Variants in RHOH observed in about 807,000 individuals in gnomAD.
RHOH encodes the protein ras homolog family member H, also known as rho-related GTP-binding protein RhoH.
A neutral mutation model predicts 13.8 loss-of-function variants in RHOH; 6 were observed. That is an observed-to-expected ratio of 0.44 (90% confidence interval 0.24 to 0.86). RHOH has a LOEUF of 0.86. Among genes scored for constraint, RHOH ranks in the 40% least tolerant of loss-of-function variants. RHOH has a pLI of 0.24. For synonymous variants in RHOH, 117 were observed against 103.0 expected, an observed-to-expected ratio of 1.14 and a Z score of -0.82; for missense variants, 147 against 244.5, an observed-to-expected ratio of 0.60 and a Z score of 2.66.
chr4:40,238,787 G>A (rs1728907848), intron 1 of RHOH, among the ~76,000 whole-genome samples: 1 of 152,174 alleles, frequency 6.6e-6, no homozygotes, highest in East Asian at 1.9e-4. Context: ...CGTACGAAGA[G>A]ACATACTTGG....
intron 1 of RHOH, among the ~76,000 whole-genome samples, chr4:40,208,002 A>G (rs1432547829): frequency 6.6e-6 from 1 of 151,366 alleles, no homozygotes; most frequent in African/African-American, 2.5e-5. Context: ...TAAAAAAACT[A>G]GATGGTACAA....
intron 1 of RHOH, among the ~76,000 whole-genome samples, chr4:40,222,732 T>G (rs1315847585): frequency 1.3e-5 from 2 of 152,232 alleles, no homozygotes; most frequent in African/African-American, 4.8e-5. Context: ...AAGGAGTCAT[T>G]TCAACTTTCA....
chr4:40,198,079 A>G, intron 1 of RHOH, among the ~76,000 whole-genome samples: 1 of 152,232 alleles, frequency 6.6e-6, no homozygotes, highest in Admixed American at 6.5e-5. Flanking sequence ...ATAATCTGGT[A>G]GTTGTGATAA....
At chr4:40,210,696 G>A (rs1438963864) in intron 1 of RHOH, among the ~76,000 whole-genome samples, 1 of 152,198 alleles carries the variant, frequency 6.6e-6, no homozygotes, top group Non-Finnish European at 1.5e-5. Context: ...GGTTGTGGTG[G>A]GGCGTAGATG....
At chr4:40,236,396 A>G (rs1430368733) in intron 1 of RHOH, among the ~76,000 whole-genome samples, 1 of 152,234 alleles carries the variant, frequency 6.6e-6, no homozygotes, top group Non-Finnish European at 1.5e-5. Context: ...AGTACTTGGA[A>G]GATGTTCAAT....
intron 1 of RHOH, among the ~76,000 whole-genome samples, chr4:40,229,767 T>C (rs1727685412): frequency 6.6e-6 from 1 of 151,990 alleles, no homozygotes. Context: ...CCACTCAACC[T>C]CAATAGTTCT....
At chr4:40,195,610 T>G (rs1180609218), upstream of RHOH, among the ~76,000 whole-genome samples, 1 of 152,008 alleles carries the variant, frequency 6.6e-6, no homozygotes, top group African/African-American at 2.4e-5. Flanking sequence ...ACAGGTGTGG[T>G]TGCCCAGCTA....
chr4:40,194,549 G>A (rs780369389), upstream of RHOH, among the ~76,000 whole-genome samples: 1 of 151,766 alleles, frequency 6.6e-6, no homozygotes, highest in Non-Finnish European at 1.5e-5. Flanking sequence ...GTTATTATTA[G>A]TATTATTTTA....
chr4:40,203,098 A>T (rs982054966), intron 1 of RHOH, among the ~76,000 whole-genome samples: 1 of 151,930 alleles, frequency 6.6e-6, no homozygotes, highest in Non-Finnish European at 1.5e-5. Context: ...CAGCCTCCGG[A>T]GTAGCTGGGA....
Position 40,243,950 on chromosome 4 carries a change from C to T in RHOH, c.564C>T (p.Cys188=), listed in dbSNP as rs775683838. 6.2e-7 allele frequency: 1 copy of T among 1,611,976 alleles called. No individual in the cohort carries two copies. The highest frequency in any genetic ancestry group is 1.1e-5 in the South Asian group (1 of 90,860). ...NRRRLFSINE[C]KIF ...GGAGGCTCTTCTCCATCAATGAGTGCAAGATCTTCTAAACCCCAAGAGACT... is the reference window on the plus strand; with the variant it reads ...GGAGGCTCTTCTCCATCAATGAGTGTAAGATCTTCTAAACCCCAAGAGACT... The change falls in exon 3 of 3, where the codon TGC becomes TGT. Residue 188 remains cysteine (C), a synonymous_variant. Transcript: ENST00000381799. The surrounding 1 kb of genome is among the most constrained non-coding windows in gnomAD (Gnocchi z 6.2).
intron 1 of RHOH, among the ~76,000 whole-genome samples, chr4:40,216,220 G>T (rs1725866409): frequency 6.7e-6 from 1 of 149,020 alleles, no homozygotes; most frequent in Non-Finnish European, 1.5e-5. Flanking sequence ...TGTAATCCCA[G>T]AACTTTGGGA....
intron 1 of RHOH, among the ~76,000 whole-genome samples, chr4:40,212,482 C>T (rs764606889): frequency 2.0e-5 from 3 of 152,062 alleles, no homozygotes; most frequent in Non-Finnish European, 4.4e-5. Context: ...TGGGAATGGG[C>T]GAGAGAATAG....
chr4:40,195,905 T>C (rs1328061003), upstream of RHOH, among the ~76,000 whole-genome samples: 1 of 152,232 alleles, frequency 6.6e-6, no homozygotes, highest in Non-Finnish European at 1.5e-5. Flanking sequence ...TTGATAAGAA[T>C]GCTCACCTTG....
At chr4:40,217,469 A>C (rs1726023138) in intron 1 of RHOH, among the ~76,000 whole-genome samples, 1 of 152,206 alleles carries the variant, frequency 6.6e-6, no homozygotes, top group Non-Finnish European at 1.5e-5. Flanking sequence ...CACCAGTATG[A>C]GCATTGTTAA....
intron 1 of RHOH, among the ~76,000 whole-genome samples, chr4:40,239,770 C>T (rs146558349): frequency 2.0e-5 from 3 of 151,744 alleles, no homozygotes; most frequent in African/African-American, 7.3e-5. Context: ...CCCAGCTACT[C>T]GGGAGGTTGA....
chr4:40,205,306 C>T (rs1044830212), intron 1 of RHOH, among the ~76,000 whole-genome samples: 3 of 152,186 alleles, frequency 2.0e-5, no homozygotes, highest in African/African-American at 7.2e-5. Flanking sequence ...CTGATCTGGC[C>T]AACTCTAGAG....
intron 1 of RHOH, among the ~76,000 whole-genome samples, chr4:40,211,098 T>A (rs1423284353): frequency 1.3e-5 from 2 of 152,174 alleles, no homozygotes; most frequent in African/African-American, 2.4e-5. Flanking sequence ...TTGTTGTTGG[T>A]CTTCTCTCAT....
chr4:40,240,497 C>T (rs571115611), intron 1 of RHOH, among the ~76,000 whole-genome samples: 1 of 152,220 alleles, frequency 6.6e-6, no homozygotes, highest in East Asian at 1.9e-4. Context: ...TGGCCAGTGG[C>T]TGTGTGTGGT....
chr4:40,219,557 C>A (rs1421746840), intron 1 of RHOH, among the ~76,000 whole-genome samples: 1 of 151,924 alleles, frequency 6.6e-6, no homozygotes, highest in East Asian at 1.9e-4. Context: ...ATGGCCTGGG[C>A]ACCATAGGAG....
Sources: allele counts gnomAD v4.1 joint callset (sites outside exome capture counted in the v4.1 genomes callset), GRCh38; gene constraint gnomAD v4.1.1; non-coding constraint Gnocchi (gnomAD v3.1); transcripts MANE v1.5; gene names NCBI Gene and HGNC (gene_info 2026-07-23, HGNC 2026-07-21).